PTPRK: variants seen among roughly 807,000 people sequenced by gnomAD.
The protein encoded by PTPRK is protein tyrosine phosphatase receptor type K.
Under a neutral mutation model 178.0 loss-of-function variants are expected in PTPRK, and 75 were observed. The observed-to-expected ratio is 0.42, with a 90% CI of 0.35 to 0.51. The LOEUF is 0.51. PTPRK is among the 20% of genes least tolerant of loss of function. PTPRK has a pLI of 0.02. For missense variants in PTPRK, 1,441 were observed against 1,797.8 expected, an observed-to-expected ratio of 0.80 and a Z score of 3.59; for synonymous variants, 637 against 620.6, an observed-to-expected ratio of 1.03 and a Z score of -0.39.
intron 13 of PTPRK, among the ~76,000 whole-genome samples, chr6:128,046,424 CT>C: frequency 6.6e-6 from 1 of 152,216 alleles, no homozygotes; most frequent in Middle Eastern, 3.4e-3. Flanking sequence ...GGGCTAGCAG[CT>C]TTCCCCAGGC....
intron 3 of PTPRK, among the ~76,000 whole-genome samples, chr6:128,267,291 A>G (rs916528952): frequency 1.3e-5 from 2 of 152,086 alleles, no homozygotes; most frequent in Non-Finnish European, 2.9e-5. Flanking sequence ...TCCACAAAAT[A>G]TGAATTATTT....
At chr6:128,208,340 C>T (rs1343785299) in intron 6 of PTPRK, among the ~76,000 whole-genome samples, 2 of 148,010 alleles carry the variant, frequency 1.4e-5, no homozygotes, top group African/African-American at 5.0e-5. Flanking sequence ...CCCTTTAAAA[C>T]ATTGATGTAG....
chr6:128,089,191 T>A (rs1399010142), intron 8 of PTPRK, among the ~76,000 whole-genome samples: 1 of 152,194 alleles, frequency 6.6e-6, no homozygotes, highest in Non-Finnish European at 1.5e-5. Context: ...CTTGAACTCT[T>A]GACCTCAGGT....
chr6:128,336,203 GT>G (rs1360290376), intron 2 of PTPRK, among the ~76,000 whole-genome samples: 32 of 135,112 alleles, frequency 2.4e-4, no homozygotes, highest in South Asian at 4.8e-4. Flanking sequence ...TTTTTTTTTT[GT>G]TTTTTTTTGT....
At chr6:128,353,804 T>C (rs1833530138) in intron 2 of PTPRK, among the ~76,000 whole-genome samples, 1 of 152,184 alleles carries the variant, frequency 6.6e-6, no homozygotes, top group Admixed American at 6.5e-5. Flanking sequence ...TTGATTATCG[T>C]GGTAGTTACT....
At chr6:128,356,514 T>G (rs562265171) in intron 2 of PTPRK, among the ~76,000 whole-genome samples, 46 of 152,292 alleles carry the variant, frequency 3.0e-4, no homozygotes, top group African/African-American at 1.1e-3. Flanking sequence ...GCAATTCTTC[T>G]GCCTTCTTGA....
intron 7 of PTPRK, among the ~76,000 whole-genome samples, chr6:128,127,559 C>T (rs1793582228): frequency 1.3e-5 from 2 of 152,182 alleles, no homozygotes; most frequent in Admixed American, 1.3e-4. Context: ...ATGTCTTGTC[C>T]TGCTTATGAC....
intron 6 of PTPRK, among the ~76,000 whole-genome samples, chr6:128,217,297 C>T (rs918219771): frequency 1.3e-5 from 2 of 152,236 alleles, no homozygotes; most frequent in African/African-American, 4.8e-5. Context: ...GAGCTGAATA[C>T]GGAGACATCA....
intron 2 of PTPRK, among the ~76,000 whole-genome samples, chr6:128,390,213 T>A (rs1473556468): frequency 3.3e-5 from 5 of 152,136 alleles, no homozygotes. Context: ...TCGTCCATGA[T>A]TTTTTCTTTT....
Position 128,005,560 on chromosome 6 carries a change from G to A in PTPRK, c.2334-316C>T, listed in dbSNP as rs1387293268. Among the ~76,000 whole-genome samples, 4 of 148,562 alleles carry A rather than the reference G, an allele frequency of 2.7e-5. No individual in the cohort carries two copies. In the East Asian group the frequency reaches 8.2e-4, roughly 31 times the overall value. The stretch of plus-strand genomic sequence containing the variant: ...AAGCAAAATAAATACCTCCTTACTA[G>A]AGTAATTCAATAAATATTCAAGCTA... On this transcript the variant is annotated intron_variant, in intron 14 of 29. Coordinates refer to ENST00000368226, the MANE Select transcript of PTPRK (RefSeq NM_002844.4).
chr6:128,054,094 C>T (rs183428589), intron 13 of PTPRK, among the ~76,000 whole-genome samples: 18 of 152,276 alleles, frequency 1.2e-4, no homozygotes, highest in Non-Finnish European at 2.1e-4. Flanking sequence ...AGTTTGAATT[C>T]AAGATGCTGT....
chr6:128,312,477 G>A (rs575603975), intron 3 of PTPRK, among the ~76,000 whole-genome samples: 59 of 152,230 alleles, frequency 3.9e-4, no homozygotes, highest in Middle Eastern at 3.4e-3. Flanking sequence ...AAACTGCTTC[G>A]GAGGTCTTCA....
intron 3 of PTPRK, among the ~76,000 whole-genome samples, chr6:128,243,827 AT>A (rs1814957420): frequency 6.6e-6 from 1 of 152,234 alleles, no homozygotes; most frequent in Admixed American, 6.5e-5. Context: ...TTTGCAAAGC[AT>A]TTTTTAAAAT....
chr6:128,483,409 T>C (rs1852360385), intron 1 of PTPRK, among the ~76,000 whole-genome samples: 1 of 152,180 alleles, frequency 6.6e-6, no homozygotes, highest in African/African-American at 2.4e-5. Context: ...AAGCAGCATG[T>C]TTCTTATAAA....
chr6:128,092,733 CCATT>C (rs1787203884), intron 7 of PTPRK, among the ~76,000 whole-genome samples: 1 of 152,064 alleles, frequency 6.6e-6, no homozygotes, highest in Admixed American at 6.6e-5. Flanking sequence ...ACTATAAAAT[CCATT>C]CAAAGAAATT....
At chr6:128,279,821 C>T (rs138144500) in intron 3 of PTPRK, among the ~76,000 whole-genome samples, 61 of 152,208 alleles carry the variant, frequency 4.0e-4, no homozygotes, top group African/African-American at 1.1e-3. Context: ...TCACAGCTAA[C>T]GCCCTTATTA....
chr6:128,459,684 T>C (rs866989089), intron 1 of PTPRK, among the ~76,000 whole-genome samples: 10 of 152,184 alleles, frequency 6.6e-5, no homozygotes, highest in Admixed American at 3.9e-4. Context: ...AAGACAATCA[T>C]GGTACTTATC....
chr6:128,363,639 A>T (rs901720291), intron 2 of PTPRK, among the ~76,000 whole-genome samples: 1 of 152,188 alleles, frequency 6.6e-6, no homozygotes, highest in African/African-American at 2.4e-5. Context: ...CACTGGAAAC[A>T]GACATAAACA....
chr6:128,495,039 T>A (rs1209735937), intron 1 of PTPRK, among the ~76,000 whole-genome samples: 2 of 152,244 alleles, frequency 1.3e-5, no homozygotes, highest in Non-Finnish European at 2.9e-5. Context: ...TATAAGAATT[T>A]TAAAAATATT....
Sources: allele counts gnomAD v4.1 joint callset (sites outside exome capture counted in the v4.1 genomes callset), GRCh38; gene constraint gnomAD v4.1.1; transcripts MANE v1.5; gene names NCBI Gene and HGNC (gene_info 2026-07-23, HGNC 2026-07-21).